UNC5C: variants seen among roughly 807,000 people sequenced by gnomAD.
The protein encoded by UNC5C is netrin receptor UNC5C.
In UNC5C, 47 loss-of-function variants were observed where a neutral mutation model predicts 99.8. The ratio of observed to expected loss-of-function variants is 0.47; its 90% confidence interval spans 0.37 to 0.60. The LOEUF is 0.60. Among genes scored for constraint, UNC5C ranks in the 20% least tolerant of loss-of-function variants. The pLI is 0.00. For synonymous variants in UNC5C, 487 were observed against 452.2 expected (o/e 1.08, Z -0.98); for missense variants, 1,062 against 1,165.9 (o/e 0.91, Z 1.30).
At chr4:95,228,903 GGCAA>G (rs1208422480) in intron 7 of UNC5C, among the ~76,000 whole-genome samples, 1 of 152,058 alleles carries the variant, frequency 6.6e-6, no homozygotes, top group Non-Finnish European at 1.5e-5. Flanking sequence ...ACAAGTGTGG[GGCAA>G]GCAAAGAGGT....
At chr4:95,258,746 CTTTTTTTTTTTTTTT>C (rs775570031) in intron 4 of UNC5C, among the ~76,000 whole-genome samples, 2 of 76,054 alleles carry the variant, frequency 2.6e-5, no homozygotes, top group East Asian at 5.3e-4. Context: ...CCATCTTATT[CTTTTTTTTTTTTTTT>C]TTTTTTTTTT....
At chr4:95,178,093 T>C (rs1736444230) in intron 14 of UNC5C, among the ~76,000 whole-genome samples, 1 of 152,186 alleles carries the variant, frequency 6.6e-6, no homozygotes, top group Admixed American at 6.5e-5. Context: ...CAGTCGGACA[T>C]GGAGTAGGGC....
chr4:95,467,921 C>A (rs4610342), intron 1 of UNC5C, among the ~76,000 whole-genome samples: 96,118 of 151,844 alleles, frequency 0.63, 30,634 homozygotes, highest in East Asian at 0.7. Context: ...GAGAAAATAT[C>A]TTTACTACTC....
At chr4:95,425,878 A>G (rs1018300741) in intron 1 of UNC5C, among the ~76,000 whole-genome samples, 1 of 152,160 alleles carries the variant, frequency 6.6e-6, no homozygotes, top group African/African-American at 2.4e-5. Flanking sequence ...TAATTTCTTC[A>G]GCTTCATGTT....
chr4:95,349,550 T>G (rs1278721917), intron 1 of UNC5C, among the ~76,000 whole-genome samples: 1 of 151,490 alleles, frequency 6.6e-6, no homozygotes, highest in Non-Finnish European at 1.5e-5. Flanking sequence ...TATCAGTGAT[T>G]CCTATTTTTT....
chr4:95,528,994 A>C (rs1483747367), intron 1 of UNC5C, among the ~76,000 whole-genome samples: 4 of 152,118 alleles, frequency 2.6e-5, no homozygotes, highest in Non-Finnish European at 5.9e-5. Context: ...AAGCACATTT[A>C]TCTCTCCTTT....
chr4:95,384,019 A>G (rs1310566517), intron 1 of UNC5C, among the ~76,000 whole-genome samples: 2 of 152,200 alleles, frequency 1.3e-5, no homozygotes, highest in Non-Finnish European at 2.9e-5. Flanking sequence ...ACACATTTGT[A>G]AATAGTATTA....
intron 3 of UNC5C, among the ~76,000 whole-genome samples, chr4:95,280,971 G>T (rs1741036430): frequency 6.6e-6 from 1 of 152,042 alleles, no homozygotes; most frequent in African/African-American, 2.4e-5. Context: ...GGCTTCTCTT[G>T]TTTTTTTGAT....
rs150622711 is a variant in UNC5C at position 95,240,625 on chromosome 4, A to AC, written c.1108+1803_1108+1804insG. On this transcript the variant is annotated intron_variant, in intron 7 of 15. Coordinates refer to ENST00000453304, the MANE Select transcript of UNC5C (RefSeq NM_003728.4). ...GAGACGTGATAAAAATACAAACAAA[A>AC]ACAAACACAAACACAAACAAACAAA... is the stretch of plus-strand genomic sequence containing the variant. Among the ~76,000 whole-genome samples, 35 of 152,176 alleles carry AC rather than the reference A, an allele frequency of 2.3e-4. 1 individual carries two copies. The South Asian group carries it at 6.6e-3, about 29-fold the overall frequency.
At chr4:95,548,644 G>T in intron 1 of UNC5C, 90 bp downstream of exon 1, 4 of 1,454,878 alleles carry the variant, frequency 2.7e-6, no homozygotes, top group Non-Finnish European at 3.7e-6. Flanking sequence ...GAGGCAAATT[G>T]AGGAAGTCAA....
chr4:95,309,675 A>G (rs1742205237), intron 2 of UNC5C, among the ~76,000 whole-genome samples: 1 of 152,220 alleles, frequency 6.6e-6, no homozygotes, highest in Non-Finnish European at 1.5e-5. Context: ...GGTATATTAA[A>G]ATATGTCCAA....
At chr4:95,509,195 AT>A (rs901310991) in intron 1 of UNC5C, among the ~76,000 whole-genome samples, 3 of 151,708 alleles carry the variant, frequency 2.0e-5, no homozygotes, top group Admixed American at 1.3e-4. Flanking sequence ...CCCAGAGAAA[AT>A]TTTTTTGTAG....
In UNC5C at chr4:95,168,500, C is replaced by CT. The variant is rs1165042718; in HGVS notation, c.*733dup. On this transcript the variant is annotated 3_prime_UTR_variant, in exon 16 of 16. Transcript: ENST00000453304. Reference sequence around the variant, plus strand: ...AAACACACATGTTGTGAAAAAAATGCTTGTTTGTGGGGTTGAACATGAATC... The same window carrying CT: ...AAACACACATGTTGTGAAAAAAATGCTTTGTTTGTGGGGTTGAACATGAATC... 6.6e-6 allele frequency: 1 copy of CT among 152,528 alleles called. No individual in the cohort carries two copies. The highest frequency in any genetic ancestry group is 1.5e-5 in the Non-Finnish European group (1 of 68,006). The allele number at this position is 152,528 out of a possible 1,614,324, so 9.4% of individuals were successfully genotyped here.
intron 12 of UNC5C, among the ~76,000 whole-genome samples, chr4:95,193,062 G>T (rs781313189): frequency 1.3e-5 from 2 of 152,202 alleles, no homozygotes; most frequent in African/African-American, 4.8e-5. Flanking sequence ...GCTGGAAGGC[G>T]ATGAAATCCA....
At chr4:95,363,243 A>G (rs1413101336) in intron 1 of UNC5C, among the ~76,000 whole-genome samples, 1 of 152,180 alleles carries the variant, frequency 6.6e-6, no homozygotes, top group African/African-American at 2.4e-5. Context: ...CAAACCAGAC[A>G]CAAATCTCAC....
At chr4:95,448,374 G>A (rs960266066) in intron 1 of UNC5C, among the ~76,000 whole-genome samples, 1 of 151,938 alleles carries the variant, frequency 6.6e-6, no homozygotes, top group Admixed American at 6.6e-5. Context: ...CAACCCATAC[G>A]ACCCCTCTGG....
At chr4:95,302,316 T>G (rs1741910402) in intron 2 of UNC5C, among the ~76,000 whole-genome samples, 1 of 152,212 alleles carries the variant, frequency 6.6e-6, no homozygotes, top group African/African-American at 2.4e-5. Flanking sequence ...TGCATAATAG[T>G]TTGAAAGCCC....
intron 1 of UNC5C, among the ~76,000 whole-genome samples, chr4:95,345,137 A>T (rs1238136539): frequency 6.6e-6 from 1 of 152,026 alleles, no homozygotes; most frequent in Non-Finnish European, 1.5e-5. Flanking sequence ...AAAGGAACAC[A>T]TAGACTGAAA....
intron 1 of UNC5C, among the ~76,000 whole-genome samples, chr4:95,340,761 AG>A (rs1743538519): frequency 6.6e-6 from 1 of 152,082 alleles, no homozygotes; most frequent in Non-Finnish European, 1.5e-5. Flanking sequence ...AACTCTGAAA[AG>A]GGGGCACCAT....
Sources: allele counts gnomAD v4.1 joint callset (sites outside exome capture counted in the v4.1 genomes callset), GRCh38; gene constraint gnomAD v4.1.1; transcripts MANE v1.5; gene names NCBI Gene and HGNC (gene_info 2026-07-23, HGNC 2026-07-21).